The following EPHB1 variants were observed in gnomAD, a reference collection of about 807,000 sequenced individuals.
EPHB1 encodes the protein ephrin type-B receptor 1.
Under a neutral mutation model 94.4 loss-of-function variants are expected in EPHB1, and 30 were observed. The observed-to-expected ratio is 0.32, with a 90% CI of 0.24 to 0.43. The LOEUF (loss-of-function observed/expected upper bound fraction) is 0.43, where lower values mean the gene tolerates loss of function less well. Among genes scored for constraint, EPHB1 ranks in the 20% least tolerant of loss-of-function variants. EPHB1 has a pLI of 1.00. For synonymous variants in EPHB1, 522 were observed against 489.1 expected (o/e 1.07, Z -0.89); for missense variants, 1,055 against 1,308.3 (o/e 0.81, Z 2.99).
At chr3:135,092,938 A>G (rs1938611860) in intron 3 of EPHB1, among the ~76,000 whole-genome samples, 1 of 152,144 alleles carries the variant, frequency 6.6e-6, no homozygotes, top group South Asian at 2.1e-4. Flanking sequence ...GGAGTCCAAC[A>G]TCTTAAGAAT....
chr3:135,191,682 GT>G (rs1483030320), intron 10 of EPHB1, among the ~76,000 whole-genome samples: 2 of 149,228 alleles, frequency 1.3e-5, no homozygotes, highest in African/African-American at 2.5e-5. Context: ...CACCATAATT[GT>G]TTCTACTCTT....
intron 10 of EPHB1, 29 bp downstream of exon 10, chr3:135,180,011 TCTC>T (rs1295186739): frequency 6.2e-7 from 1 of 1,612,326 alleles, no homozygotes; most frequent in African/African-American, 1.3e-5. Context: ...TTGTTTCTGT[TCTC>T]CTGGTGTCCA....
chr3:134,821,325 A>G (rs899796819), intron 1 of EPHB1, among the ~76,000 whole-genome samples: 4 of 152,206 alleles, frequency 2.6e-5, no homozygotes, highest in African/African-American at 4.8e-5. Flanking sequence ...CAGTTACTTG[A>G]GCGACCATGT....
intron 3 of EPHB1, among the ~76,000 whole-genome samples, chr3:135,039,245 T>C (rs1022619138): frequency 2.0e-5 from 3 of 152,124 alleles, no homozygotes; most frequent in Non-Finnish European, 4.4e-5. Flanking sequence ...AGAGTGTCGA[T>C]TGGTGCACTC....
intron 1 of EPHB1, among the ~76,000 whole-genome samples, chr3:134,860,793 G>A (rs1045650231): frequency 1.8e-5 from 1 of 55,164 alleles, no homozygotes; most frequent in Admixed American, 2.9e-4. Flanking sequence ...AGCCTGGCCA[G>A]GTGACAAAAA....
chr3:135,132,609 G>T, intron 4 of EPHB1, 105 bp from the exon 5 acceptor site: 1 of 972,212 alleles, frequency 1.0e-6, no homozygotes, highest in Non-Finnish European at 1.5e-6. Flanking sequence ...GGAGTGGGAG[G>T]CGAGCGCACT....
At chr3:135,215,374 G>A (rs1158649130) in intron 12 of EPHB1, among the ~76,000 whole-genome samples, 1 of 151,922 alleles carries the variant, frequency 6.6e-6, no homozygotes, top group Non-Finnish European at 1.5e-5. Flanking sequence ...TGTTGGTCAG[G>A]CTGGTCTCAA....
At position 135,238,533 on chromosome 3, in the gene EPHB1, T is replaced by G. The variant is rs547211730; in HGVS notation, c.2347-2615T>G. Among the ~76,000 whole-genome samples, 22 of 152,298 alleles carry G rather than the reference T, an allele frequency of 1.4e-4. 1 individual carries two copies. In the South Asian group the frequency reaches 4.6e-3, roughly 32 times the overall value. On this transcript the variant is annotated intron_variant, in intron 12 of 15. Coordinates refer to ENST00000398015, the MANE Select transcript of EPHB1 (RefSeq NM_004441.5). ...CCAGACTTGGCAGAGGAGGACACTCTCAGACTCCCAAATCACCTCTTTGAA... is the reference window on the plus strand; with the variant it reads ...CCAGACTTGGCAGAGGAGGACACTCGCAGACTCCCAAATCACCTCTTTGAA...
intron 3 of EPHB1, among the ~76,000 whole-genome samples, chr3:135,054,363 C>G (rs1937285029): frequency 6.6e-6 from 1 of 152,034 alleles, no homozygotes. Context: ...CTTGCATGAG[C>G]CAATTCTTTA....
At chr3:134,882,483 GAA>G in intron 1 of EPHB1, among the ~76,000 whole-genome samples, 1 of 152,196 alleles carries the variant, frequency 6.6e-6, no homozygotes, top group Admixed American at 6.5e-5. Context: ...ATATAAAAAA[GAA>G]AAGAGAACAG....
chr3:134,796,825 C>T (rs916028110), intron 1 of EPHB1, among the ~76,000 whole-genome samples: 3 of 152,254 alleles, frequency 2.0e-5, no homozygotes, highest in Non-Finnish European at 4.4e-5. Flanking sequence ...TGGGGGACTC[C>T]AAGCCGGGGA....
At chr3:135,086,614 T>TATGA (rs1938372016) in intron 3 of EPHB1, among the ~76,000 whole-genome samples, 1 of 151,932 alleles carries the variant, frequency 6.6e-6, no homozygotes, top group Admixed American at 6.6e-5. Flanking sequence ...CCTAGTAAAC[T>TATGA]ATGAATGCTT....
intron 6 of EPHB1, among the ~76,000 whole-genome samples, chr3:135,157,165 C>T (rs1018796340): frequency 6.6e-6 from 1 of 152,316 alleles, no homozygotes; most frequent in South Asian, 2.1e-4. Flanking sequence ...AGCTGGGAAG[C>T]GAGCCTGGGT....
chr3:134,823,972 A>G (rs902122709), intron 1 of EPHB1: 1 of 152,234 alleles, frequency 6.6e-6, no homozygotes, highest in Non-Finnish European at 1.5e-5. Flanking sequence ...CCTGCCCAGC[A>G]TCTGCTGCTG....
chr3:134,954,706 C>T (rs1933178574), intron 3 of EPHB1, among the ~76,000 whole-genome samples: 1 of 152,196 alleles, frequency 6.6e-6, no homozygotes, highest in South Asian at 2.1e-4. Flanking sequence ...AAAGAATAAT[C>T]TCTCCGCTTC....
intron 3 of EPHB1, among the ~76,000 whole-genome samples, chr3:134,987,094 C>T (rs533072100): frequency 6.6e-6 from 1 of 152,250 alleles, no homozygotes; most frequent in East Asian, 1.9e-4. Context: ...ATACTGGGCA[C>T]TCACTATTCC....
intron 3 of EPHB1, among the ~76,000 whole-genome samples, chr3:134,991,218 T>C (rs552343889): frequency 1.3e-5 from 2 of 152,288 alleles, no homozygotes; most frequent in East Asian, 3.9e-4. Context: ...TTGTCTGAGG[T>C]TCATTTGTCT....
At chr3:134,991,012 C>T (rs1240512891) in intron 3 of EPHB1, among the ~76,000 whole-genome samples, 2 of 151,964 alleles carry the variant, frequency 1.3e-5, no homozygotes, top group African/African-American at 2.4e-5. Flanking sequence ...TTTTTTTCCA[C>T]GTGGAGCTCT....
intron 3 of EPHB1, among the ~76,000 whole-genome samples, chr3:134,958,414 GTGTGT>G (rs777381558): frequency 0.27 from 27,366 of 101,496 alleles, 2,865 homozygotes; most frequent in Admixed American, 0.35. Context: ...ACACAAGGGA[GTGTGT>G]GTGTGTGTGT....
Sources: gnomAD v4.1 joint callset for allele counts (sites outside exome capture counted in the v4.1 genomes callset) on GRCh38, gnomAD v4.1.1 for gene constraint, MANE v1.5 for transcripts, NCBI Gene and HGNC (gene_info 2026-07-23, HGNC 2026-07-21) for gene names.